ZNF423: variants seen among roughly 807,000 people sequenced by gnomAD.
ZNF423 encodes Ebf-associated zinc finger protein.
In ZNF423, 12 loss-of-function variants were observed where a neutral mutation model predicts 95.8. That is an observed-to-expected ratio of 0.13 (90% CI 0.08 to 0.20). ZNF423 has a LOEUF of 0.20. Ranked by LOEUF, ZNF423 falls within the 10% of genes least tolerant of loss-of-function variation. The pLI, the probability that ZNF423 is intolerant of heterozygous loss-of-function variation, is 1.00. For missense variants in ZNF423, 1,316 were observed against 1,737.1 expected, an observed-to-expected ratio of 0.76 and a Z score of 4.31; for synonymous variants, 749 against 711.9, an observed-to-expected ratio of 1.05 and a Z score of -0.83.
At chr16:49,791,571 C>A (rs7197190) in intron 1 of ZNF423, among the ~76,000 whole-genome samples, 44,089 of 152,034 alleles carry the variant, frequency 0.29, 6,489 homozygotes, top group Middle Eastern at 0.41. Flanking sequence ...AGACACCTTC[C>A]ACAAGGTCTC....
At chr16:49,626,359 C>T in intron 4 of ZNF423, 105 bp from the exon 5 acceptor site, 3 of 990,588 alleles carry the variant, frequency 3.0e-6, no homozygotes, top group African/African-American at 1.6e-5. Flanking sequence ...AGAATGGTTC[C>T]AGTCCCCTCC....
At chr16:49,717,419 T>C (rs2032740310) in intron 3 of ZNF423, among the ~76,000 whole-genome samples, 1 of 152,214 alleles carries the variant, frequency 6.6e-6, no homozygotes, top group South Asian at 2.1e-4. Flanking sequence ...CAGCTCCTTC[T>C]CTCTTCAGGC....
At chr16:49,580,995 C>T (rs906141490) in intron 5 of ZNF423, among the ~76,000 whole-genome samples, 2 of 152,084 alleles carry the variant, frequency 1.3e-5, no homozygotes, top group African/African-American at 2.4e-5. Context: ...AGTAGATGTA[C>T]GCTCCAGCCG....
At chr16:49,655,057 A>C (rs1349505245) in intron 3 of ZNF423, among the ~76,000 whole-genome samples, 1 of 152,242 alleles carries the variant, frequency 6.6e-6, no homozygotes, top group African/African-American at 2.4e-5. Context: ...TGATACTCAA[A>C]TGTTGCAAGA....
intron 4 of ZNF423, among the ~76,000 whole-genome samples, chr16:49,633,560 G>C (rs1596751384): frequency 1.3e-5 from 2 of 152,200 alleles, no homozygotes; most frequent in Non-Finnish European, 2.9e-5. Context: ...TGGCTTCGTA[G>C]TGGAACACAG....
intron 1 of ZNF423, among the ~76,000 whole-genome samples, chr16:49,792,379 C>G (rs903981687): frequency 2.6e-5 from 4 of 152,200 alleles, no homozygotes; most frequent in African/African-American, 4.8e-5. Context: ...TTTTGGAGCT[C>G]TGGGGGAAAT....
At chr16:49,726,937 AAC>A (rs781533294) in intron 3 of ZNF423, among the ~76,000 whole-genome samples, 2 of 151,700 alleles carry the variant, frequency 1.3e-5, no homozygotes, top group Non-Finnish European at 2.9e-5. Flanking sequence ...TTATGTGACA[AAC>A]ACAGAACGTG....
At chr16:49,701,060 TAGAG>T (rs902579019) in intron 3 of ZNF423, among the ~76,000 whole-genome samples, 22 of 152,250 alleles carry the variant, frequency 1.4e-4, no homozygotes, top group East Asian at 9.7e-4. Context: ...GTAATAGAAA[TAGAG>T]AGGCCTCTTT....
intron 5 of ZNF423, among the ~76,000 whole-genome samples, chr16:49,581,334 C>T (rs565375602): frequency 2.1e-4 from 32 of 152,276 alleles, no homozygotes; most frequent in Admixed American, 5.2e-4. Flanking sequence ...AGCTGAGATG[C>T]GCAGCCCCAT....
intron 2 of ZNF423, among the ~76,000 whole-genome samples, chr16:49,754,133 C>A (rs771521456): frequency 1.3e-5 from 2 of 151,938 alleles, no homozygotes; most frequent in Non-Finnish European, 2.9e-5. Context: ...CATAAAGAAA[C>A]GGGGAGAAGT....
intron 3 of ZNF423, among the ~76,000 whole-genome samples, chr16:49,703,519 T>C (rs2032257913): frequency 6.6e-6 from 1 of 152,238 alleles, no homozygotes; most frequent in African/African-American, 2.4e-5. Context: ...GCCCTTCCTG[T>C]CTTTTTCCTC....
intron 2 of ZNF423, among the ~76,000 whole-genome samples, chr16:49,731,600 G>T (rs909978008): frequency 2.0e-5 from 3 of 152,006 alleles, no homozygotes; most frequent in East Asian, 1.9e-4. Flanking sequence ...ATTGCTGAAG[G>T]CCTGGAGTTT....
At chr16:49,739,747 G>A (rs1387149457) in intron 2 of ZNF423, among the ~76,000 whole-genome samples, 1 of 147,584 alleles carries the variant, frequency 6.8e-6, no homozygotes, top group East Asian at 2.0e-4. Flanking sequence ...CACCGAGGGT[G>A]GAGTGCAGTG....
chr16:49,803,289 C>T (rs2034609407), intron 1 of ZNF423, among the ~76,000 whole-genome samples: 1 of 151,966 alleles, frequency 6.6e-6, no homozygotes, highest in African/African-American at 2.4e-5. Context: ...TAAACGGAGA[C>T]CAACACTATT....
At chr16:49,491,795 T>C (rs1966982047) in intron 7 of ZNF423, among the ~76,000 whole-genome samples, 1 of 152,146 alleles carries the variant, frequency 6.6e-6, no homozygotes, top group Admixed American at 6.5e-5. Flanking sequence ...TGTGCAGCTC[T>C]CCGGCCAAGA....
chr16:49,602,640 C>T (rs1971410983), intron 5 of ZNF423, among the ~76,000 whole-genome samples: 1 of 152,202 alleles, frequency 6.6e-6, no homozygotes, highest in Non-Finnish European at 1.5e-5. Context: ...AGGCCCAGGG[C>T]ACAGGCTGGG....
chr16:49,609,724 T>G (rs1317228618), intron 5 of ZNF423, among the ~76,000 whole-genome samples: 1 of 151,690 alleles, frequency 6.6e-6, no homozygotes, highest in Admixed American at 6.6e-5. Context: ...GTGATTCAAG[T>G]CCCAGAAGGA....
chr16:49,662,295 A>G (rs1395001144), intron 3 of ZNF423, among the ~76,000 whole-genome samples: 1 of 151,984 alleles, frequency 6.6e-6, no homozygotes, highest in Non-Finnish European at 1.5e-5. Flanking sequence ...TCCCTTCTGA[A>G]CTCCCTTAGT....
At chr16:49,743,252 G>A (rs73575503) in intron 2 of ZNF423, among the ~76,000 whole-genome samples, 1,683 of 152,236 alleles carry the variant, frequency 0.011, 24 homozygotes, top group African/African-American at 0.038. Context: ...CACCGTTCAG[G>A]TCTCAGCTCA....
Sources: allele counts gnomAD v4.1 joint callset (sites outside exome capture counted in the v4.1 genomes callset), GRCh38; gene constraint gnomAD v4.1.1; transcripts MANE v1.5; gene names NCBI Gene and HGNC (gene_info 2026-07-23, HGNC 2026-07-21).